CNTN4: variants seen among roughly 807,000 people sequenced by gnomAD.
CNTN4 encodes contactin 4.
A neutral mutation model predicts 122.5 loss-of-function variants in CNTN4; 77 were observed. The ratio of observed to expected loss-of-function variants is 0.63; its 90% CI spans 0.52 to 0.76. The LOEUF is 0.76. Ranked by LOEUF, CNTN4 falls within the 30% of genes least tolerant of loss-of-function variation. The pLI is 0.00. For missense variants in CNTN4, 1,256 were observed against 1,259.1 expected, an observed-to-expected ratio of 1.00 and a Z score of 0.04; for synonymous variants, 512 against 447.0, an observed-to-expected ratio of 1.15 and a Z score of -1.83.
At chr3:2,136,769 C>T (rs961615020) in intron 2 of CNTN4, among the ~76,000 whole-genome samples, 1 of 151,540 alleles carries the variant, frequency 6.6e-6, no homozygotes, top group Non-Finnish European at 1.5e-5. Context: ...TTTGTAATTA[C>T]AGATACCACT....
At position 2,745,666 on chromosome 3, in the gene CNTN4, T is replaced by G. The variant is rs757918570; in HGVS notation, c.327T>G (p.Ile109Met). 1.9e-6 allele frequency: 3 copies of G among 1,613,980 alleles called. No individual in the cohort carries two copies. The highest frequency in any genetic ancestry group is 2.5e-6 in the Non-Finnish European group (3 of 1,179,972). Residue 109 changes from isoleucine (I) to methionine (M), a missense_variant, in exon 6 of 25, where the codon ATT (isoleucine) becomes ATG (methionine). Coordinates refer to ENST00000418658, the MANE Select transcript of CNTN4 (RefSeq NM_175607.3). ...CAGCGACAAACTCGTTTGGAACAAT[T>G]GTTAGCAGAGAAGCAAAGCTTCAGT... ...QCTATNSFGT[I>M]VSREAKLQFA...
chr3:2,380,742 C>T (rs527389145), intron 3 of CNTN4, among the ~76,000 whole-genome samples: 12 of 150,544 alleles, frequency 8.0e-5, no homozygotes, highest in Admixed American at 2.0e-4. Context: ...TACATAAGAA[C>T]GAATAACTTA....
intron 3 of CNTN4, among the ~76,000 whole-genome samples, chr3:2,555,779 A>G (rs2078695847): frequency 6.6e-6 from 1 of 152,188 alleles, no homozygotes; most frequent in Admixed American, 6.5e-5. Flanking sequence ...TGACTTTGTG[A>G]AAGTATGTAA....
chr3:2,954,820 C>T (rs567732918), intron 13 of CNTN4, among the ~76,000 whole-genome samples: 1 of 152,130 alleles, frequency 6.6e-6, no homozygotes, highest in South Asian at 2.1e-4. Flanking sequence ...GTTTCTGTCT[C>T]TGGAAAATTT....
chr3:2,537,859 C>A (rs1404344040), intron 3 of CNTN4, among the ~76,000 whole-genome samples: 1 of 152,036 alleles, frequency 6.6e-6, no homozygotes, highest in African/African-American at 2.4e-5. Flanking sequence ...GGGGGTACAT[C>A]TCCAATAACC....
At chr3:2,161,439 G>A (rs545006991) in intron 2 of CNTN4, among the ~76,000 whole-genome samples, 1 of 152,208 alleles carries the variant, frequency 6.6e-6, no homozygotes, top group Non-Finnish European at 1.5e-5. Flanking sequence ...GCTTGTAATA[G>A]AGTGGGGGCA....
At chr3:2,286,532 A>T (rs1355037883) in intron 2 of CNTN4, among the ~76,000 whole-genome samples, 1 of 152,054 alleles carries the variant, frequency 6.6e-6, no homozygotes, top group Non-Finnish European at 1.5e-5. Flanking sequence ...AAATAGGACC[A>T]CTGTTTCTAA....
intron 3 of CNTN4, among the ~76,000 whole-genome samples, chr3:2,452,688 A>G (rs914211870): frequency 6.6e-6 from 1 of 152,074 alleles, no homozygotes; most frequent in Admixed American, 6.6e-5. Context: ...GGAATCAATC[A>G]CTTCTGTTTA....
At chr3:2,133,539 G>T (rs1216537399) in intron 2 of CNTN4, among the ~76,000 whole-genome samples, 1 of 152,122 alleles carries the variant, frequency 6.6e-6, no homozygotes, top group African/African-American at 2.4e-5. Flanking sequence ...AAAGCTTTTT[G>T]AAAGCTTTTC....
intron 2 of CNTN4, among the ~76,000 whole-genome samples, chr3:2,124,171 CAG>C (rs1308030750): frequency 1.3e-5 from 2 of 152,010 alleles, no homozygotes; most frequent in African/African-American, 4.8e-5. Flanking sequence ...AACCCACTGA[CAG>C]AGATTTTGGA....
At chr3:2,757,285 C>T (rs1188136899) in intron 6 of CNTN4, among the ~76,000 whole-genome samples, 1 of 152,084 alleles carries the variant, frequency 6.6e-6, no homozygotes, top group Admixed American at 6.6e-5. Context: ...TGGAACAGAC[C>T]TCTGCAGGCC....
At position 2,395,165 on chromosome 3, in the gene CNTN4, T is replaced by C. The variant is rs564322942; in HGVS notation, c.-89+55932T>C. 5.3e-5 allele frequency among the ~76,000 whole-genome samples: 8 copies of C among 152,294 alleles called. No individual in the cohort carries two copies. The South Asian group carries it at 1.4e-3, about 28-fold the overall frequency. Reference sequence around the variant, plus strand: ...CATCAGTAGGAGAATACATAAACTGTTGTTTATTCATACAGTAGAATATGA... The same window carrying C: ...CATCAGTAGGAGAATACATAAACTGCTGTTTATTCATACAGTAGAATATGA... On this transcript the variant is annotated intron_variant, in intron 3 of 24. Transcript: ENST00000418658.
At chr3:3,054,010 C>G (rs904630299) in intron 24 of CNTN4, 35 bp downstream of exon 24, 1 of 1,607,522 alleles carries the variant, frequency 6.2e-7, no homozygotes, top group African/African-American at 1.3e-5. Context: ...TTTCTCCTGC[C>G]TGTCTTATCT....
At chr3:2,467,224 T>C (rs1240977001) in intron 3 of CNTN4, among the ~76,000 whole-genome samples, 1 of 151,326 alleles carries the variant, frequency 6.6e-6, no homozygotes, top group Admixed American at 6.6e-5. Context: ...GATTCCTAAA[T>C]TGGTGCACTT....
At chr3:3,054,209 C>A (rs550777698) in intron 24 of CNTN4, among the ~76,000 whole-genome samples, 4 of 152,308 alleles carry the variant, frequency 2.6e-5, no homozygotes, top group African/African-American at 4.8e-5. Flanking sequence ...TTAAAGCAGA[C>A]CCGAATTAGT....
At chr3:2,223,428 T>C (rs765295891) in intron 2 of CNTN4, among the ~76,000 whole-genome samples, 7 of 152,146 alleles carry the variant, frequency 4.6e-5, no homozygotes, top group Non-Finnish European at 8.8e-5. Context: ...TCAGTGTCTG[T>C]TTTTAGGAGA....
At chr3:2,519,474 G>A (rs184301408) in intron 3 of CNTN4, among the ~76,000 whole-genome samples, 1 of 152,152 alleles carries the variant, frequency 6.6e-6, no homozygotes, top group African/African-American at 2.4e-5. Flanking sequence ...AATTTCCAGA[G>A]CCCCATATGG....
chr3:2,544,625 C>T lies in CNTN4; in HGVS notation c.-88-26791C>T, dbSNP rs988440374. ...GAGATTGTGTGTCCGGGGTTTTATCCATTTCTTCTAGATTTTCTAGTTTGT... is the reference window on the plus strand; with the variant it reads ...GAGATTGTGTGTCCGGGGTTTTATCTATTTCTTCTAGATTTTCTAGTTTGT... On this transcript the variant is annotated intron_variant, in intron 3 of 24. Coordinates refer to ENST00000418658, the MANE Select transcript of CNTN4 (RefSeq NM_175607.3). 2.0e-5 allele frequency among the ~76,000 whole-genome samples: 3 copies of T among 151,954 alleles called. No homozygotes were observed. The East Asian group carries it at 5.8e-4, about 29-fold the overall frequency.
intron 6 of CNTN4, among the ~76,000 whole-genome samples, chr3:2,785,746 C>G (rs1047448857): frequency 6.6e-6 from 1 of 152,050 alleles, no homozygotes; most frequent in East Asian, 1.9e-4. Flanking sequence ...TGAAGTGATA[C>G]GGACAGGAGA....
Sources: allele counts gnomAD v4.1 joint callset (sites outside exome capture counted in the v4.1 genomes callset), GRCh38; gene constraint gnomAD v4.1.1; transcripts MANE v1.5; gene names NCBI Gene and HGNC (gene_info 2026-07-23, HGNC 2026-07-21).